ADCY1: variants seen among roughly 807,000 people sequenced by gnomAD.
ADCY1 encodes adenylate cyclase 1, also known as adenylate cyclase type 1.
ADCY1 carries 28 observed loss-of-function variants against 105.4 expected under a neutral mutation model. The observed-to-expected ratio is 0.27, with a 90% confidence interval of 0.20 to 0.36. The LOEUF is 0.36. ADCY1 is among the 10% of genes least tolerant of loss of function. The pLI is 1.00. For missense variants in ADCY1, 977 were observed against 1,434.2 expected (o/e 0.68, Z 5.15); for synonymous variants, 655 against 623.8 (o/e 1.05, Z -0.75).
chr7:45,688,578 G>C (rs561520222), intron 14 of ADCY1, among the ~76,000 whole-genome samples: 1 of 152,288 alleles, frequency 6.6e-6, no homozygotes, highest in Admixed American at 6.5e-5. Flanking sequence ...AGGGCAGGAT[G>C]CATATTTAAA....
At chr7:45,649,327 AT>A (rs1798313987) in intron 5 of ADCY1, among the ~76,000 whole-genome samples, 3 of 152,144 alleles carry the variant, frequency 2.0e-5, no homozygotes, top group African/African-American at 7.2e-5. Context: ...TTATGTTGTC[AT>A]TGTCCTTATC....
intron 8 of ADCY1, among the ~76,000 whole-genome samples, chr7:45,663,942 G>A (rs1050847456): frequency 2.0e-5 from 3 of 152,204 alleles, no homozygotes; most frequent in South Asian, 2.1e-4. Context: ...GTGCTGTTGC[G>A]GGGAGAGGTT....
intron 1 of ADCY1, among the ~76,000 whole-genome samples, chr7:45,584,318 G>T (rs941059347): frequency 6.6e-6 from 1 of 152,160 alleles, no homozygotes; most frequent in Non-Finnish European, 1.5e-5. Flanking sequence ...TGGCTCTGGT[G>T]GCCCCCACTT....
rs1404923373 is a variant in ADCY1 at position 45,717,548 on chromosome 7, G to A, written c.*3553G>A. ...TGTAAATAGTGCACCAGTGACAGGT[G>A]CTGCCTGTTTACTCGTACCAAAAAT... On this transcript the variant is annotated 3_prime_UTR_variant, in exon 20 of 20. Transcript: ENST00000297323. 1 of 152,346 alleles carries A rather than the reference G, an allele frequency of 6.6e-6. No individual in the cohort carries two copies. The highest frequency in any genetic ancestry group is 1.5e-5 in the Non-Finnish European group (1 of 68,040). 9.4% of individuals were successfully genotyped at this position (152,346 alleles called of 1,614,324 possible).
chr7:45,715,394 C>T lies in ADCY1; in HGVS notation c.*1399C>T, dbSNP rs572939334. The T allele has an allele frequency of 6.6e-6, 1 of 152,480 alleles. No individual in the cohort carries two copies. Among genetic ancestry groups the T allele is most frequent in the East Asian group, 1.9e-4 (1 of 5,166 alleles). The allele number at this position is 152,480 out of a possible 1,614,324, so 9.4% of individuals were successfully genotyped here. A position where few individuals can be genotyped will look rare whatever the true frequency, so the allele number is the denominator to read the frequency against. ...TGTGGACTGCAGATGAGGCCTGAGC[C>T]CTGCCTATGCTCAAAGCCAGCAGGG... On this transcript the variant is annotated 3_prime_UTR_variant, in exon 20 of 20. Coordinates refer to ENST00000297323, the MANE Select transcript of ADCY1 (RefSeq NM_021116.4).
chr7:45,619,794 C>G (rs1227989486), intron 3 of ADCY1, among the ~76,000 whole-genome samples: 1 of 152,168 alleles, frequency 6.6e-6, no homozygotes, highest in Non-Finnish European at 1.5e-5. Flanking sequence ...TGAATAAGTT[C>G]TGGAGATCTA....
At chr7:45,582,455 A>G (rs1792580324) in intron 1 of ADCY1, among the ~76,000 whole-genome samples, 1 of 151,962 alleles carries the variant, frequency 6.6e-6, no homozygotes, top group African/African-American at 2.4e-5. Flanking sequence ...GGGACTTGGG[A>G]GCTGTGGAGG....
At chr7:45,671,355 C>A (rs776215176) in intron 8 of ADCY1, among the ~76,000 whole-genome samples, 1 of 152,184 alleles carries the variant, frequency 6.6e-6, no homozygotes, top group Non-Finnish European at 1.5e-5. Context: ...ATTTCTGTTT[C>A]CAGTATTTAA....
At chr7:45,661,646 G>A (rs2116124461) in intron 7 of ADCY1, among the ~76,000 whole-genome samples, 1 of 152,240 alleles carries the variant, frequency 6.6e-6, no homozygotes, top group Middle Eastern at 3.4e-3. Flanking sequence ...TGGGTGCACT[G>A]CCCAGCCCTC....
chr7:45,702,365 G>A (rs770386548), intron 14 of ADCY1, among the ~76,000 whole-genome samples: 2 of 152,218 alleles, frequency 1.3e-5, no homozygotes, highest in Admixed American at 6.5e-5. Flanking sequence ...TCTGCTGGCC[G>A]GGTCACCAGC....
chr7:45,594,239 CTA>C (rs1183593661), intron 2 of ADCY1, among the ~76,000 whole-genome samples: 3 of 152,048 alleles, frequency 2.0e-5, no homozygotes, highest in South Asian at 2.1e-4. Flanking sequence ...GATGTGTTGT[CTA>C]TGTGTGTGCA....
At chr7:45,682,253 G>T (rs949959578) in intron 11 of ADCY1, among the ~76,000 whole-genome samples, 7 of 152,282 alleles carry the variant, frequency 4.6e-5, no homozygotes, top group Admixed American at 1.3e-4. Flanking sequence ...ATCAGGGTGG[G>T]GAGGTGCCTA....
At chr7:45,696,499 C>G (rs1469577348) in intron 14 of ADCY1, among the ~76,000 whole-genome samples, 2 of 147,938 alleles carry the variant, frequency 1.4e-5, no homozygotes, top group Non-Finnish European at 3.0e-5. Flanking sequence ...CAGTCTGTTA[C>G]ATTTATAATC....
At position 45,662,189 on chromosome 7, in the gene ADCY1, T is replaced by G; in HGVS notation, c.1580T>G (p.Val527Gly). The G allele has an allele frequency of 6.2e-7, 1 of 1,613,730 alleles. No individual in the cohort carries two copies. The highest frequency in any genetic ancestry group is 8.5e-7 in the Non-Finnish European group (1 of 1,179,918). ...AAGGCCGAGATCCCCTTCTCCAATG[T>G]CATGACCTGCGAGGACGATGACAAG... Reference protein sequence around the residue: ...MFKAEIPFSNVMTCEDDDKRR... With the variant: ...MFKAEIPFSNGMTCEDDDKRR... The change falls in exon 8 of 20, where the codon GTC becomes GGC. Residue 527 changes from valine (V) to glycine (G), a missense_variant. Transcript: ENST00000297323.
chr7:45,640,875 T>A (rs1794511510), intron 4 of ADCY1, among the ~76,000 whole-genome samples: 1 of 152,172 alleles, frequency 6.6e-6, no homozygotes, highest in South Asian at 2.1e-4. Flanking sequence ...AGCCTGGAAT[T>A]TCCCTTGAAG....
At chr7:45,645,400 T>G (rs1259633166) in intron 4 of ADCY1, among the ~76,000 whole-genome samples, 1 of 152,086 alleles carries the variant, frequency 6.6e-6, no homozygotes, top group Non-Finnish European at 1.5e-5. Flanking sequence ...GCGGTGGCCA[T>G]GCCAAGTCTT....
chr7:45,670,124 C>T (rs1219003324), intron 8 of ADCY1, among the ~76,000 whole-genome samples: 3 of 152,180 alleles, frequency 2.0e-5, no homozygotes, highest in Admixed American at 2.0e-4. Flanking sequence ...GGTGGTTCCC[C>T]CTCTGACTGT....
At chr7:45,637,755 C>T (rs1189223133) in intron 4 of ADCY1, among the ~76,000 whole-genome samples, 1 of 152,150 alleles carries the variant, frequency 6.6e-6, no homozygotes, top group East Asian at 1.9e-4. Flanking sequence ...TTTTAAAAAA[C>T]ATTTCTTGTA....
chr7:45,587,024 C>T (rs1248753702), intron 1 of ADCY1, among the ~76,000 whole-genome samples: 2 of 152,222 alleles, frequency 1.3e-5, no homozygotes, highest in Non-Finnish European at 2.9e-5. Context: ...GAATGCCACC[C>T]AGGCTGAGAG....
Sources: gnomAD v4.1 joint callset for allele counts (sites outside exome capture counted in the v4.1 genomes callset) on GRCh38, gnomAD v4.1.1 for gene constraint, MANE v1.5 for transcripts, NCBI Gene and HGNC (gene_info 2026-07-23, HGNC 2026-07-21) for gene names.